Variants in RP1 observed in about 807,000 individuals in gnomAD.
The protein encoded by RP1 is RP1 axonemal microtubule associated, also known as oxygen-regulated protein 1.
A neutral mutation model predicts 14.8 loss-of-function variants in RP1; 16 were observed. The observed-to-expected ratio is 1.08, with a 90% CI of 0.73 to 1.65. The LOEUF is 1.65. Ranked by LOEUF, RP1 falls within the 40% of genes most tolerant of loss-of-function variation. The probability of loss-of-function intolerance (pLI) is 0.00; values close to 1 mark genes in which losing one functional copy is unlikely to be tolerated. For missense variants in RP1, 2,631 were observed against 2,535.0 expected, an observed-to-expected ratio of 1.04 and a Z score of -0.81; for synonymous variants, 876 against 883.6, an observed-to-expected ratio of 0.99 and a Z score of 0.15.
In RP1 at chr8:54,629,648, T is replaced by C. The variant is rs760460927; in HGVS notation, c.5766T>C (p.Thr1922=). 1 of 1,613,982 alleles carries C rather than the reference T, an allele frequency of 6.2e-7. No individual in the cohort carries two copies. The highest frequency in any genetic ancestry group is 1.1e-5 in the South Asian group (1 of 91,082). The stretch of plus-strand genomic sequence containing the variant: ...GTGGTCAACATTGCCCAATACTAAC[T>C]GTTATTATCCAACCCATGAATGAGG... The part of the protein sequence containing the change: ...ALCGQHCPIL[T]VIIQPMNEED... Residue 1922 remains threonine (T), a synonymous_variant, in exon 4 of 4, where the codon ACT becomes ACC. Transcript: ENST00000220676.
chr8:54,843,745 C>T (rs1458896191), intron 25 of RP1, among the ~76,000 whole-genome samples: 3 of 152,196 alleles, frequency 2.0e-5, no homozygotes, highest in Non-Finnish European at 2.9e-5. Flanking sequence ...CTTGTTCCCA[C>T]CCTTGCTCCA....
chr8:54,786,132 T>C (rs78562275), intron 24 of RP1, among the ~76,000 whole-genome samples: 5,803 of 152,198 alleles, frequency 0.038, 243 homozygotes, highest in African/African-American at 0.097. Flanking sequence ...CTTCTAGTGT[T>C]CTTTCAAATC....
At chr8:54,801,479 T>C (rs1178502122) in intron 24 of RP1, among the ~76,000 whole-genome samples, 149 of 152,184 alleles carry the variant, frequency 9.8e-4, no homozygotes, top group Non-Finnish European at 2.6e-4. Context: ...TGTATTTTTA[T>C]CAGTGCCCTC....
chr8:54,801,615 A>G (rs146732946), intron 24 of RP1, among the ~76,000 whole-genome samples: 71 of 148,438 alleles, frequency 4.8e-4, no homozygotes, highest in African/African-American at 1.7e-3. Context: ...AAAGAGAAGG[A>G]CTCTTTCTCG....
chr8:54,613,006 G>C (rs1048636409), upstream of RP1, among the ~76,000 whole-genome samples: 1 of 152,028 alleles, frequency 6.6e-6, no homozygotes, highest in South Asian at 2.1e-4. Context: ...TTTATTCATA[G>C]TTTGTCTCTG....
rs140479147 is a variant in RP1 at position 54,701,452 on chromosome 8, C to T, written c.1822-34C>T. 2.7e-4 allele frequency: 391 copies of T among 1,465,238 alleles called. 1 individual carries two copies. In the African/African-American group the frequency reaches 5.1e-3, roughly 19 times the overall value. The allele number at this position is 1,465,238 out of a possible 1,614,324, so 90.8% of individuals were successfully genotyped here. A position where few individuals can be genotyped will look rare whatever the true frequency, so the allele number is the denominator to read the frequency against. On this transcript the variant is annotated intron_variant, in intron 13 of 22. Coordinates refer to the RP1 transcript ENST00000636932. ...TACATTAAATTTTTTTTTTCTGTTA[C>T]TAATTTAGAGGGTTTTTTTGTTTTT...
chr8:54,713,962 T>C (rs1284055665), intron 15 of RP1, among the ~76,000 whole-genome samples: 2 of 152,238 alleles, frequency 1.3e-5, no homozygotes, highest in Non-Finnish European at 2.9e-5. Context: ...TGAAAGAAAT[T>C]TGACCTAACA....
chr8:54,810,195 AAT>A (rs1342815199), intron 24 of RP1, among the ~76,000 whole-genome samples: 1 of 152,192 alleles, frequency 6.6e-6, no homozygotes, highest in African/African-American at 2.4e-5. Context: ...GATACTAAAC[AAT>A]GTTTCAAAAT....
chr8:54,830,637 A>T (rs1342451213), intron 24 of RP1, among the ~76,000 whole-genome samples: 3 of 152,126 alleles, frequency 2.0e-5, no homozygotes, highest in African/African-American at 7.2e-5. Flanking sequence ...TTTTAAATCC[A>T]GTCTGATAAT....
chr8:54,642,437 G>A (rs1204555047), intron 3 of RP1, among the ~76,000 whole-genome samples: 2 of 152,002 alleles, frequency 1.3e-5, no homozygotes, highest in African/African-American at 2.4e-5. Flanking sequence ...ATTTATAAAG[G>A]TATCTTAAGG....
At chr8:54,779,040 C>T (rs1160390890) in intron 23 of RP1, among the ~76,000 whole-genome samples, 1 of 152,042 alleles carries the variant, frequency 6.6e-6, no homozygotes, top group Non-Finnish European at 1.5e-5. Context: ...TGAACTTTAT[C>T]CCCCCAAGTC....
chr8:54,586,640 T>C (rs1804932454), intron 1 of RP1, among the ~76,000 whole-genome samples: 1 of 152,248 alleles, frequency 6.6e-6, no homozygotes, highest in African/African-American at 2.4e-5. Context: ...TGCTGTGGGC[T>C]CCACCCAGTC....
intron 1 of RP1, among the ~76,000 whole-genome samples, chr8:54,584,384 G>A (rs1338093293): frequency 1.3e-5 from 2 of 152,158 alleles, no homozygotes; most frequent in African/African-American, 4.8e-5. Flanking sequence ...TATAATTTCT[G>A]TTCTTTTGCA....
chr8:54,568,306 T>C (rs755983331), intron 1 of RP1, among the ~76,000 whole-genome samples: 4 of 152,198 alleles, frequency 2.6e-5, no homozygotes, highest in Non-Finnish European at 2.9e-5. Context: ...AGAATCTTTT[T>C]ATTAAAAAGA....
intron 21 of RP1, among the ~76,000 whole-genome samples, chr8:54,756,794 C>A (rs1364903979): frequency 6.6e-6 from 1 of 152,204 alleles, no homozygotes. Context: ...TGCTAGTTGG[C>A]TGCCAGCATG....
At chr8:54,720,000 TA>T in intron 15 of RP1, 1 of 774,860 alleles carries the variant, frequency 1.3e-6, no homozygotes, top group Non-Finnish European at 2.0e-6. Flanking sequence ...GCAATTTACG[TA>T]AAAAGGCTCT....
In RP1 at chr8:54,726,462, C is replaced by T. The variant is rs1015174706; in HGVS notation, c.2507C>T (p.Pro836Leu). The T allele has an allele frequency of 4.6e-6, 7 of 1,529,654 alleles. No homozygotes were observed. In the African/African-American group the frequency reaches 6.9e-5, roughly 15 times the overall value. The allele number at this position is 1,529,654 out of a possible 1,614,324, so 94.8% of individuals were successfully genotyped here. The stretch of plus-strand genomic sequence containing the variant: ...GAATCTGAGGCTAGGAGTCCCTTAC[C>T]TTCTTCAACTGCAAGTAAGCCACAG... The change falls in exon 17 of 23, where the codon CCT becomes CTT. Residue 836 changes from proline (P) to leucine (L), a missense_variant. Coordinates refer to the RP1 transcript ENST00000636932.
At chr8:54,663,501 C>T (rs567746227) in intron 6 of RP1, among the ~76,000 whole-genome samples, 5 of 152,126 alleles carry the variant, frequency 3.3e-5, no homozygotes, top group Non-Finnish European at 4.4e-5. Flanking sequence ...GTGCCTAATT[C>T]GTAAACTAAA....
At chr8:54,779,157 C>T (rs1045432123) in intron 23 of RP1, among the ~76,000 whole-genome samples, 11 of 152,140 alleles carry the variant, frequency 7.2e-5, no homozygotes, top group African/African-American at 2.2e-4. Context: ...TTTAGGCTGT[C>T]TTAATCCACC....
Sources: gnomAD v4.1 joint callset for allele counts (sites outside exome capture counted in the v4.1 genomes callset) on GRCh38, gnomAD v4.1.1 for gene constraint, MANE v1.5 for transcripts, NCBI Gene and HGNC (gene_info 2026-07-23, HGNC 2026-07-21) for gene names.